Variants in ATP8A2 observed in about 807,000 individuals in gnomAD.
ATP8A2 encodes the protein ATPase phospholipid transporting 8A2.
In ATP8A2, 100 loss-of-function variants were observed where a neutral mutation model predicts 165.6. That is an observed-to-expected ratio of 0.60 (90% CI 0.51 to 0.71). The LOEUF (loss-of-function observed/expected upper bound fraction) is 0.71. Among genes scored for constraint, ATP8A2 ranks in the 30% least tolerant of loss-of-function variants. The pLI is 0.00. For missense variants in ATP8A2, 1,227 were observed against 1,479.5 expected (o/e 0.83, Z 2.80); for synonymous variants, 543 against 548.8 (o/e 0.99, Z 0.15).
chr13:25,571,802 A>T, intron 18 of ATP8A2, 110 bp downstream of exon 18: 1 of 979,022 alleles, frequency 1.0e-6, no homozygotes, highest in Non-Finnish European at 1.6e-6. Flanking sequence ...TTTCAGTGAA[A>T]AATTAAGACC....
chr13:25,817,391 C>G (rs1284392026), intron 27 of ATP8A2, among the ~76,000 whole-genome samples: 2 of 150,928 alleles, frequency 1.3e-5, no homozygotes, highest in African/African-American at 4.9e-5. Flanking sequence ...ACCTGATGTT[C>G]CATAGAGTAA....
chr13:25,866,740 G>C (rs1290892209), intron 33 of ATP8A2, among the ~76,000 whole-genome samples: 2 of 152,136 alleles, frequency 1.3e-5, no homozygotes, highest in Admixed American at 1.3e-4. Flanking sequence ...AAATCTCCAG[G>C]TGATTCTTCC....
chr13:25,557,120 G>A (rs947221195), intron 13 of ATP8A2, among the ~76,000 whole-genome samples: 2 of 152,136 alleles, frequency 1.3e-5, no homozygotes, highest in African/African-American at 4.8e-5. Flanking sequence ...GCAAGTGATT[G>A]TGTTTCTTTG....
At chr13:25,567,398 TAA>T in intron 16 of ATP8A2, 1 of 456,694 alleles carries the variant, frequency 2.2e-6, no homozygotes, top group Non-Finnish European at 4.4e-6. Context: ...ACTGTTTATA[TAA>T]GTTAGTGATC....
At chr13:25,981,517 C>G (rs1485350091) in intron 35 of ATP8A2, among the ~76,000 whole-genome samples, 1 of 152,014 alleles carries the variant, frequency 6.6e-6, no homozygotes, top group Non-Finnish European at 1.5e-5. Context: ...TTTGTAAAAT[C>G]AAAAATAAGA....
At chr13:26,012,483 C>T (rs1956869622) in intron 35 of ATP8A2, 48 bp from the exon 36 acceptor site, 4 of 1,456,198 alleles carry the variant, frequency 2.7e-6, no homozygotes, top group South Asian at 2.5e-5. Context: ...CCTTGTGCAA[C>T]CCGAGTGTTC....
At chr13:25,531,398 T>TATATATGA (rs1566230250) in intron 4 of ATP8A2, among the ~76,000 whole-genome samples, 1 of 87,296 alleles carries the variant, frequency 1.1e-5, no homozygotes, top group Non-Finnish European at 2.2e-5. Flanking sequence ...ATATATATGA[T>TATATATGA]TATATATATG....
intron 25 of ATP8A2, 144 bp downstream of exon 25, chr13:25,699,489 C>T (rs962605676): frequency 4.9e-5 from 32 of 649,940 alleles, no homozygotes; most frequent in Admixed American, 1.9e-4. Context: ...TTATTTTTAA[C>T]TGTTGGTGCA....
chr13:25,513,521 C>T (rs2037348789), intron 2 of ATP8A2, among the ~76,000 whole-genome samples: 1 of 151,378 alleles, frequency 6.6e-6, no homozygotes, highest in Non-Finnish European at 1.5e-5. Flanking sequence ...AGATGGGCGG[C>T]CAGGAGAGAC....
intron 25 of ATP8A2, among the ~76,000 whole-genome samples, chr13:25,728,892 G>C (rs2043554070): frequency 6.6e-6 from 1 of 152,156 alleles, no homozygotes; most frequent in Non-Finnish European, 1.5e-5. Flanking sequence ...TCATATGCGT[G>C]CTCCTTGGAA....
intron 27 of ATP8A2, among the ~76,000 whole-genome samples, chr13:25,808,135 T>TC (rs1206470915): frequency 6.8e-6 from 1 of 146,448 alleles, no homozygotes; most frequent in East Asian, 2.0e-4. Context: ...CCCCAAGACT[T>TC]TTTTTTTTTT....
At chr13:25,873,392 C>T (rs941554006) in intron 33 of ATP8A2, among the ~76,000 whole-genome samples, 7 of 152,140 alleles carry the variant, frequency 4.6e-5, no homozygotes, top group Non-Finnish European at 1.0e-4. Flanking sequence ...GAAGAGGTCA[C>T]GACTTGGGTC....
At chr13:25,562,385 C>T (rs1053076279) in intron 15 of ATP8A2, among the ~76,000 whole-genome samples, 1 of 152,078 alleles carries the variant, frequency 6.6e-6, no homozygotes, top group Admixed American at 6.5e-5. Context: ...AATGGTGATG[C>T]TGTCTGTCTG....
rs1263309755 is a variant in ATP8A2 at position 25,836,174 on chromosome 13, GTTTGT to G, written c.2755-986_2755-982del. ...GCTGTGAATCTCCTGTTTTTTGTTT[GTTTGT>G]TTGTTTGTTTGTTTGTTTGTTTGTT... On this transcript the variant is annotated intron_variant, in intron 28 of 36. Coordinates refer to ENST00000381655, the MANE Select transcript of ATP8A2 (RefSeq NM_016529.6). Among the ~76,000 whole-genome samples, 7 of 50,882 alleles carry G rather than the reference GTTTGT, an allele frequency of 1.4e-4. No individual in the cohort carries two copies. In the Admixed American group the frequency reaches 1.6e-3, roughly 12 times the overall value. 33.4% of individuals were successfully genotyped at this position (50,882 alleles called of 152,430 possible).
Position 25,892,352 on chromosome 13 carries a change from C to T in ATP8A2, c.3183+29944C>T, listed in dbSNP as rs115711526. Among the ~76,000 whole-genome samples the T allele has an allele frequency of 9.4e-3, 1,435 of 152,178 alleles. 21 individuals are homozygous for T. Among genetic ancestry groups the T allele is most frequent in the African/African-American group, 0.033 (1,382 of 41,498 alleles). On this transcript the variant is annotated intron_variant, in intron 33 of 36. Coordinates refer to ENST00000381655, the MANE Select transcript of ATP8A2 (RefSeq NM_016529.6). ...CACAGCCTATCTTGGCACAGGGTGG[C>T]ATCTCTTTAGTTATGAGACATTCAA...
chr13:25,908,884 T>C (rs1001902144), intron 33 of ATP8A2, among the ~76,000 whole-genome samples: 2 of 152,214 alleles, frequency 1.3e-5, no homozygotes, highest in Admixed American at 6.5e-5. Flanking sequence ...TAGTGTGCAA[T>C]GCTTAACTTT....
At chr13:25,892,548 T>C (rs537923594) in intron 33 of ATP8A2, among the ~76,000 whole-genome samples, 26 of 145,510 alleles carry the variant, frequency 1.8e-4, no homozygotes, top group African/African-American at 6.2e-4. Context: ...GAAAAATAAG[T>C]CAAAAGGCAA....
chr13:25,658,779 TC>T (rs1288532850), intron 24 of ATP8A2, among the ~76,000 whole-genome samples: 1 of 152,172 alleles, frequency 6.6e-6, no homozygotes, highest in African/African-American at 2.4e-5. Flanking sequence ...CTCTGAACTT[TC>T]CCCAAAATCA....
At chr13:25,395,929 C>T (rs949613986) in intron 1 of ATP8A2, among the ~76,000 whole-genome samples, 4 of 152,116 alleles carry the variant, frequency 2.6e-5, no homozygotes, top group Admixed American at 1.3e-4. Context: ...CTGCTACCTC[C>T]GTCTCCTGGG....
Sources: gnomAD v4.1 joint callset for allele counts (sites outside exome capture counted in the v4.1 genomes callset) on GRCh38, gnomAD v4.1.1 for gene constraint, MANE v1.5 for transcripts, NCBI Gene and HGNC (gene_info 2026-07-23, HGNC 2026-07-21) for gene names.